KBTBD3: variants seen among roughly 807,000 people sequenced by gnomAD.
KBTBD3 encodes the protein kelch repeat and BTB domain-containing protein 3.
A neutral mutation model predicts 49.6 loss-of-function variants in KBTBD3; 38 were observed. The observed-to-expected ratio is 0.77, with a 90% CI of 0.59 to 1.00. KBTBD3 has a LOEUF of 1.00. Among genes scored for constraint, KBTBD3 ranks in the 50% least tolerant of loss-of-function variants. KBTBD3 has a pLI of 0.00. For missense variants in KBTBD3, 661 were observed against 712.0 expected (o/e 0.93, Z 0.81); for synonymous variants, 214 against 250.4 (o/e 0.85, Z 1.37).
intron 2 of KBTBD3, among the ~76,000 whole-genome samples, chr11:106,070,943 C>A (rs540462148): frequency 1.6e-4 from 24 of 152,208 alleles, no homozygotes; most frequent in African/African-American, 5.8e-4. Flanking sequence ...GAGAAAATTA[C>A]AAGAAACTAC....
chr11:106,051,180 G>A lies in KBTBD3; in HGVS notation c.*1670C>T, dbSNP rs1860410001. On this transcript the variant is annotated 3_prime_UTR_variant, in exon 4 of 4. Coordinates refer to ENST00000531837, the MANE Select transcript of KBTBD3 (RefSeq NM_198439.3). ...TAACAATTCAGTAAATGCACATATA[G>A]GCTACTCACTGTGTTATGGTCTTTC... is the stretch of plus-strand genomic sequence containing the variant. The A allele has an allele frequency of 6.6e-6, 1 of 151,680 alleles. No individual in the cohort carries two copies. 9.4% of individuals were successfully genotyped at this position (151,680 alleles called of 1,614,324 possible). A position where few individuals can be genotyped will look rare whatever the true frequency, so the allele number is the denominator to read the frequency against.
intron 2 of KBTBD3, among the ~76,000 whole-genome samples, chr11:106,065,780 G>A (rs756889608): frequency 2.0e-5 from 3 of 152,124 alleles, no homozygotes; most frequent in Non-Finnish European, 4.4e-5. Flanking sequence ...GGCCAACACG[G>A]TAAAACCCCG....
chr11:106,075,818 G>A (rs1217858152), intron 2 of KBTBD3, among the ~76,000 whole-genome samples: 1 of 152,094 alleles, frequency 6.6e-6, no homozygotes, highest in African/African-American at 2.4e-5. Flanking sequence ...ATGGGAGAAG[G>A]GGAGAATATT....
chr11:106,056,743 G>A (rs1860559552), intron 3 of KBTBD3, among the ~76,000 whole-genome samples: 1 of 152,270 alleles, frequency 6.6e-6, no homozygotes, highest in Middle Eastern at 3.4e-3. Flanking sequence ...AATAAAACAT[G>A]TCTAGTAAAT....
At chr11:106,061,000 A>C (rs1228446572) in intron 2 of KBTBD3, among the ~76,000 whole-genome samples, 1 of 152,186 alleles carries the variant, frequency 6.6e-6, no homozygotes, top group Non-Finnish European at 1.5e-5. Flanking sequence ...CACCTCTCAA[A>C]AGAAGGATAT....
In KBTBD3 at chr11:106,053,288, A is replaced by G. The variant is rs1162594841; in HGVS notation, c.1401T>C (p.Asp467=). ...YVLGSEVEIT[D]AFNPSLDCFF... is the part of the protein sequence containing the mutation. ...AGCAATCAAGTGATGGGTTAAAAGC[A>G]TCTGTAATCTCTACCTCTGATCCAA... Residue 467 remains aspartate (D), a synonymous_variant, in exon 4 of 4, where the codon GAT becomes GAC. Transcript: ENST00000531837. 1.9e-6 allele frequency: 3 copies of G among 1,613,636 alleles called. No homozygotes were observed. Among genetic ancestry groups the G allele is most frequent in the Non-Finnish European group, 2.5e-6 (3 of 1,179,824 alleles).
In KBTBD3 at chr11:106,074,257, C is replaced by T. The variant is rs924618476; in HGVS notation, c.-13+2250G>A. On this transcript the variant is annotated intron_variant, in intron 2 of 3. Transcript: ENST00000531837. ...AAAATCTGTCCTTTGACCTTTTATT[C>T]CCTCTAGCTACCATTCCATTTTTCT... Among the ~76,000 whole-genome samples the T allele has an allele frequency of 4.6e-5, 7 of 152,052 alleles. No individual in the cohort carries two copies. The South Asian group carries it at 1.5e-3, about 32-fold the overall frequency.
chr11:106,073,054 A>G (rs1402177094), intron 2 of KBTBD3, among the ~76,000 whole-genome samples: 4 of 152,108 alleles, frequency 2.6e-5, no homozygotes, highest in Admixed American at 6.5e-5. Flanking sequence ...AACAGGGAAC[A>G]CTTATACAGT....
intron 2 of KBTBD3, among the ~76,000 whole-genome samples, chr11:106,065,322 A>G (rs562949434): frequency 6.6e-6 from 1 of 152,312 alleles, no homozygotes; most frequent in East Asian, 1.9e-4. Context: ...TGTTCTATAC[A>G]TGATCGATAT....
intron 2 of KBTBD3, among the ~76,000 whole-genome samples, chr11:106,061,860 C>CAT (rs1860702500): frequency 1.3e-5 from 2 of 151,548 alleles, no homozygotes; most frequent in South Asian, 2.1e-4. Flanking sequence ...AATACATATA[C>CAT]ATATATGTGT....
Position 106,053,206 on chromosome 11 carries a change from G to T in KBTBD3, c.1483C>A (p.Gln495Lys), listed in dbSNP as rs997981454. ...QWSELVAEFG[Q>K]FFHATLIKAV... ...TTAATTAATGTTGCATGAAAAAATTGCCCAAACTCTGCTACTAGTTCAGAC... is the reference window on the plus strand; with the variant it reads ...TTAATTAATGTTGCATGAAAAAATTTCCCAAACTCTGCTACTAGTTCAGAC... The change falls in exon 4 of 4, where the codon CAA becomes AAA. Residue 495 changes from glutamine to lysine, a missense_variant. Gln to Lys is a moderately conservative substitution (Grantham distance 53, BLOSUM62 1). Coordinates refer to ENST00000531837, the MANE Select transcript of KBTBD3 (RefSeq NM_198439.3). 1.2e-6 allele frequency: 2 copies of T among 1,613,562 alleles called. No individual in the cohort carries two copies. The highest frequency in any genetic ancestry group is 1.7e-6 in the Non-Finnish European group (2 of 1,179,776).
chr11:106,059,131 C>T (rs375498667), intron 2 of KBTBD3, 22 bp from the exon 3 acceptor site: 59 of 1,388,850 alleles, frequency 4.2e-5, no homozygotes, highest in Non-Finnish European at 5.1e-5. Context: ...ACAAAATCAC[C>T]GATGTAGTAG....
chr11:106,058,753 T>TTTTTA lies in KBTBD3; in HGVS notation c.233+111_233+112insTAAAA, dbSNP rs1375718068. 13 of 699,166 alleles carry TTTTTA rather than the reference T, an allele frequency of 1.9e-5. No individual in the cohort carries two copies. In the African/African-American group the frequency reaches 2.5e-4, roughly 14 times the overall value. The allele number at this position is 699,166 out of a possible 1,614,324, so 43.3% of individuals were successfully genotyped here. The stretch of plus-strand genomic sequence containing the variant: ...TAGGTTTTGTTTTTGTTTTTTTTTT[T>TTTTTA]AGAATTAAAAATTACTGTTGCATGT... On this transcript the variant is annotated intron_variant, in intron 3 of 3. Coordinates refer to ENST00000531837, the MANE Select transcript of KBTBD3 (RefSeq NM_198439.3).
chr11:106,064,209 C>T (rs1860760060), intron 2 of KBTBD3, among the ~76,000 whole-genome samples: 1 of 152,124 alleles, frequency 6.6e-6, no homozygotes, highest in East Asian at 1.9e-4. Context: ...GAGATTTGTG[C>T]CAGCCTCCCT....
chr11:106,066,210 A>C (rs903428144), intron 2 of KBTBD3, among the ~76,000 whole-genome samples: 9 of 152,228 alleles, frequency 5.9e-5, no homozygotes, highest in Admixed American at 5.9e-4. Context: ...ATACAGCAAA[A>C]CTTCTATTTC....
At chr11:106,060,983 A>G (rs73537610) in intron 2 of KBTBD3, among the ~76,000 whole-genome samples, 14,216 of 152,226 alleles carry the variant, frequency 0.093, 710 homozygotes, top group Middle Eastern at 0.15. Flanking sequence ...GTGGGCAAAG[A>G]ATATGACACC....
At chr11:106,065,295 C>G (rs117393893) in intron 2 of KBTBD3, among the ~76,000 whole-genome samples, 1 of 152,090 alleles carries the variant, frequency 6.6e-6, no homozygotes, top group East Asian at 1.9e-4. Flanking sequence ...CGTGAGCCAC[C>G]GCGCCCGGCC....
At chr11:106,065,689 G>A (rs1034801192) in intron 2 of KBTBD3, among the ~76,000 whole-genome samples, 2 of 152,050 alleles carry the variant, frequency 1.3e-5, no homozygotes, top group African/African-American at 4.8e-5. Context: ...GGCTGGGCGC[G>A]GTGGCTCATG....
chr11:106,065,290 G>A (rs561884204), intron 2 of KBTBD3, among the ~76,000 whole-genome samples: 2 of 152,306 alleles, frequency 1.3e-5, no homozygotes, highest in South Asian at 2.1e-4. Flanking sequence ...ACAGGCGTGA[G>A]CCACCGCGCC....
Sources: gnomAD v4.1 joint callset for allele counts (sites outside exome capture counted in the v4.1 genomes callset) on GRCh38, gnomAD v4.1.1 for gene constraint, MANE v1.5 for transcripts, NCBI Gene and HGNC (gene_info 2026-07-23, HGNC 2026-07-21) for gene names.